IQSEC1: variants seen among roughly 807,000 people sequenced by gnomAD.
IQSEC1 encodes IQ motif and SEC7 domain-containing protein 1.
A neutral mutation model predicts 91.0 loss-of-function variants in IQSEC1; 31 were observed. The ratio of observed to expected loss-of-function variants is 0.34; its 90% CI spans 0.26 to 0.46. IQSEC1 has a LOEUF of 0.46. Ranked by LOEUF, IQSEC1 falls within the 20% of genes least tolerant of loss-of-function variation. The pLI, the probability that IQSEC1 is intolerant of heterozygous loss-of-function variation, is 1.00. For missense variants in IQSEC1, 1,388 were observed against 1,575.6 expected (o/e 0.88, Z 2.02); for synonymous variants, 699 against 662.6 (o/e 1.05, Z -0.84).
At chr3:12,947,227 G>A (rs971714543) in intron 1 of IQSEC1, among the ~76,000 whole-genome samples, 2 of 152,174 alleles carry the variant, frequency 1.3e-5, no homozygotes, top group African/African-American at 2.4e-5. Context: ...AATACCCGAC[G>A]TGATGAAGTA....
intron 2 of IQSEC1, among the ~76,000 whole-genome samples, chr3:13,102,420 G>A (rs891898171): frequency 2.6e-5 from 4 of 152,142 alleles, no homozygotes; most frequent in African/African-American, 9.7e-5. Flanking sequence ...TGGTGTTGGT[G>A]GGGGGCTGGA....
chr3:13,227,896 C>G (rs1035749459), intron 1 of IQSEC1, among the ~76,000 whole-genome samples: 3 of 152,182 alleles, frequency 2.0e-5, no homozygotes, highest in African/African-American at 4.8e-5. Flanking sequence ...ATGCCGAGGC[C>G]TGAGGCTGGA....
intron 1 of IQSEC1, among the ~76,000 whole-genome samples, chr3:13,246,495 G>A (rs1253606590): frequency 2.0e-5 from 3 of 152,136 alleles, no homozygotes; most frequent in Non-Finnish European, 4.4e-5. Flanking sequence ...GAAAAGTGGC[G>A]AAAATGGTAA....
chr3:13,257,082 G>C (rs1205255500), intron 1 of IQSEC1, among the ~76,000 whole-genome samples: 1 of 152,130 alleles, frequency 6.6e-6, no homozygotes, highest in Non-Finnish European at 1.5e-5. Context: ...ATTAAGGGAG[G>C]CAGCGAGTAT....
At position 12,979,967 on chromosome 3, in the gene IQSEC1, C is replaced by T. The variant is rs1361101481; in HGVS notation, c.24-38102G>A. The stretch of plus-strand genomic sequence containing the variant: ...GACTACCTGAGGTGGGGGAAGGCAG[C>T]CTGGTGCCAGGGGCATGCAGCTGGA... On this transcript the variant is annotated intron_variant, in intron 1 of 13. Coordinates refer to ENST00000613206, the MANE Select transcript of IQSEC1 (RefSeq NM_001134382.3). This position sits in a 1 kb window ranked among gnomAD's most constrained non-coding sequence, Gnocchi z 4.3. Among the ~76,000 whole-genome samples, 1 of 152,190 alleles carries T rather than the reference C, an allele frequency of 6.6e-6. No individual in the cohort carries two copies. The highest frequency in any genetic ancestry group is 1.5e-5 in the Non-Finnish European group (1 of 68,022).
rs78318358 is a variant in IQSEC1 at position 12,983,670 on chromosome 3, C to G, written c.24-41805G>C. ...TTCAGGGACGCCTGGGCTGACCTCA[C>G]AGGCCACGCTGGGCAATTCCTCCCA... is the stretch of plus-strand genomic sequence containing the variant. On this transcript the variant is annotated intron_variant, in intron 1 of 13. Transcript: ENST00000613206. The surrounding 1 kb of genome is among the most constrained non-coding windows in gnomAD (Gnocchi z 4.3). Among the ~76,000 whole-genome samples the G allele has an allele frequency of 0.022, 3,405 of 152,286 alleles. 138 individuals carry two copies. Among genetic ancestry groups the G allele is most frequent in the African/African-American group, 0.078 (3,256 of 41,526 alleles).
At chr3:12,976,630 A>T (rs903783066) in intron 1 of IQSEC1, among the ~76,000 whole-genome samples, 1 of 152,166 alleles carries the variant, frequency 6.6e-6, no homozygotes, top group African/African-American at 2.4e-5. Flanking sequence ...TCTCTGTCTC[A>T]TCGATTCCCT....
At chr3:13,178,144 C>T (rs749224730) in intron 1 of IQSEC1, among the ~76,000 whole-genome samples, 8 of 152,214 alleles carry the variant, frequency 5.3e-5, no homozygotes, top group Non-Finnish European at 1.2e-4. Context: ...CCCAGACTAC[C>T]CGAGTCCCGG....
At chr3:13,195,769 T>C (rs994152603) in intron 1 of IQSEC1, among the ~76,000 whole-genome samples, 1 of 152,170 alleles carries the variant, frequency 6.6e-6, no homozygotes, top group African/African-American at 2.4e-5. Flanking sequence ...ATCTTGACGG[T>C]GGTGGTGGGC....
intron 1 of IQSEC1, among the ~76,000 whole-genome samples, chr3:13,278,772 T>C (rs1184182130): frequency 7.0e-6 from 1 of 143,418 alleles, no homozygotes; most frequent in African/African-American, 2.5e-5. Context: ...TGAGCCGAGA[T>C]CACATCATTG....
At chr3:13,209,649 G>T (rs1475924833) in intron 1 of IQSEC1, among the ~76,000 whole-genome samples, 4 of 152,190 alleles carry the variant, frequency 2.6e-5, no homozygotes, top group African/African-American at 9.6e-5. Flanking sequence ...CACACTGAAG[G>T]TCTCTAGTTG....
intron 3 of IQSEC1, among the ~76,000 whole-genome samples, chr3:12,934,101 G>T (rs1697948456): frequency 1.3e-5 from 2 of 152,194 alleles, no homozygotes; most frequent in African/African-American, 4.8e-5. Context: ...GTGTCAGGTG[G>T]GCCAGCAGGA....
At chr3:13,236,247 C>G (rs1216993034) in intron 1 of IQSEC1, among the ~76,000 whole-genome samples, 1 of 152,166 alleles carries the variant, frequency 6.6e-6, no homozygotes, top group Non-Finnish European at 1.5e-5. Flanking sequence ...CCCTCCAACC[C>G]TCCAAGGCCA....
At chr3:13,106,170 G>A (rs1203171471) in intron 2 of IQSEC1, among the ~76,000 whole-genome samples, 1 of 152,140 alleles carries the variant, frequency 6.6e-6, no homozygotes, top group Non-Finnish European at 1.5e-5. Flanking sequence ...CTACTGCCCA[G>A]AAGCCTTCCA....
intron 1 of IQSEC1, chr3:13,015,662 C>T (rs1450612894): frequency 1.0e-6 from 1 of 984,614 alleles, no homozygotes; most frequent in East Asian, 1.1e-4. Flanking sequence ...AGCTGTGGGT[C>T]CATCCCCACA....
chr3:13,159,166 C>T (rs1707127643), intron 2 of IQSEC1, among the ~76,000 whole-genome samples: 1 of 152,150 alleles, frequency 6.6e-6, no homozygotes, highest in South Asian at 2.1e-4. Flanking sequence ...CACAGTGACT[C>T]ACCCTGTAAT....
intron 6 of IQSEC1, among the ~76,000 whole-genome samples, chr3:12,916,956 TA>T (rs1405459460): frequency 6.6e-6 from 1 of 152,068 alleles, no homozygotes; most frequent in Non-Finnish European, 1.5e-5. Flanking sequence ...GGAGCACAAC[TA>T]GGGGGCACAG....
intron 2 of IQSEC1, among the ~76,000 whole-genome samples, chr3:13,118,149 G>A (rs1317401529): frequency 6.6e-6 from 1 of 152,162 alleles, no homozygotes; most frequent in Non-Finnish European, 1.5e-5. Flanking sequence ...GATGATGGCT[G>A]TGCTAACCAC....
chr3:12,953,026 G>A (rs66471011), intron 1 of IQSEC1, among the ~76,000 whole-genome samples: 14,317 of 152,310 alleles, frequency 0.094, 726 homozygotes, highest in South Asian at 0.15. Flanking sequence ...ACTGTTCTCT[G>A]AGGGGCAGGA....
Sources: allele counts gnomAD v4.1 joint callset (sites outside exome capture counted in the v4.1 genomes callset), GRCh38; gene constraint gnomAD v4.1.1; non-coding constraint Gnocchi (gnomAD v3.1); transcripts MANE v1.5; gene names NCBI Gene and HGNC (gene_info 2026-07-23, HGNC 2026-07-21).